Variants in MTUS1 observed in about 807,000 individuals in gnomAD.
MTUS1 encodes microtubule-associated tumor suppressor 1.
In MTUS1, 109 loss-of-function variants were observed where a neutral mutation model predicts 120.8. The observed-to-expected ratio is 0.90, with a 90% CI of 0.77 to 1.06. MTUS1 has a LOEUF of 1.06. MTUS1 is among the 50% of genes least tolerant of loss of function. The probability of loss-of-function intolerance (pLI) is 0.00; values close to 1 mark genes in which losing one functional copy is unlikely to be tolerated. For missense variants in MTUS1, 2,210 were observed against 1,486.3 expected (o/e 1.49, Z -8.01); for synonymous variants, 737 against 550.5 (o/e 1.34, Z -4.74).
intron 8 of MTUS1, among the ~76,000 whole-genome samples, chr8:17,660,243 C>T (rs1809380697): frequency 6.6e-6 from 1 of 152,068 alleles, no homozygotes; most frequent in South Asian, 2.1e-4. Flanking sequence ...CATGATGGCG[C>T]ACGTCTGTAG....
chr8:17,711,798 C>G (rs548794431), intron 6 of MTUS1, among the ~76,000 whole-genome samples: 6 of 152,296 alleles, frequency 3.9e-5, no homozygotes, highest in Non-Finnish European at 7.4e-5. Flanking sequence ...GAGAGACATG[C>G]AACTTTTCTT....
rs1285353938 is a variant in MTUS1 at position 17,653,168 on chromosome 8, G to A, written c.3384+18C>T. 4.3e-6 allele frequency: 6 copies of A among 1,403,250 alleles called. No individual in the cohort carries two copies. The African/African-American group carries it at 5.8e-5, about 14-fold the overall frequency. 86.9% of individuals were successfully genotyped at this position (1,403,250 alleles called of 1,614,324 possible). ...AGAAGAAAAATTCCATACTGATAAA[G>A]GAGCACACACAACTTACCAAATTTG... On this transcript the variant is annotated intron_variant, in intron 12 of 14. Transcript: ENST00000693296.
intron 6 of MTUS1, among the ~76,000 whole-genome samples, chr8:17,687,476 C>G (rs925211656): frequency 2.0e-5 from 3 of 152,186 alleles, no homozygotes; most frequent in Non-Finnish European, 4.4e-5. Context: ...AAACTTTGCC[C>G]TTACCCTTGC....
chr8:17,689,271 A>T (rs542494240), intron 6 of MTUS1, among the ~76,000 whole-genome samples: 6 of 152,158 alleles, frequency 3.9e-5, no homozygotes, highest in Non-Finnish European at 7.4e-5. Flanking sequence ...TTGTAGGGGG[A>T]GGGAGGAGGA....
intron 1 of MTUS1, among the ~76,000 whole-genome samples, chr8:17,775,663 T>C (rs945012684): frequency 3.9e-5 from 6 of 152,244 alleles, no homozygotes; most frequent in African/African-American, 1.4e-4. Flanking sequence ...AAAATTATCA[T>C]AGTAACCACA....
chr8:17,684,699 A>C (rs1008582883), intron 6 of MTUS1, among the ~76,000 whole-genome samples, 157 bp from the exon 7 acceptor site: 1 of 152,206 alleles, frequency 6.6e-6, no homozygotes, highest in Non-Finnish European at 1.5e-5. Context: ...TGAATCGGAG[A>C]TCTAGACGGT....
At chr8:17,794,435 A>T (rs1331911545) in intron 1 of MTUS1, among the ~76,000 whole-genome samples, 1 of 152,214 alleles carries the variant, frequency 6.6e-6, no homozygotes, top group East Asian at 1.9e-4. Flanking sequence ...GCCTAACTAT[A>T]CACTACGTAT....
intron 3 of MTUS1, among the ~76,000 whole-genome samples, chr8:17,732,430 C>A (rs1247059200): frequency 6.6e-6 from 1 of 152,178 alleles, no homozygotes; most frequent in African/African-American, 2.4e-5. Context: ...CCCCTACGTT[C>A]CTGGCTGTTC....
intron 6 of MTUS1, among the ~76,000 whole-genome samples, chr8:17,689,263 G>T (rs943673116): frequency 6.6e-6 from 1 of 152,114 alleles, no homozygotes; most frequent in African/African-American, 2.4e-5. Context: ...CCAATTATTT[G>T]TAGGGGGAGG....
intron 1 of MTUS1, among the ~76,000 whole-genome samples, chr8:17,796,365 A>T (rs1226761237): frequency 6.6e-6 from 1 of 152,288 alleles, no homozygotes; most frequent in African/African-American, 2.4e-5. Flanking sequence ...AACTTTAATG[A>T]ACAAAGTTAT....
chr8:17,676,291 T>G, intron 7 of MTUS1: 1 of 703,050 alleles, frequency 1.4e-6, no homozygotes, highest in Middle Eastern at 2.3e-4. Context: ...TTGCTGCACA[T>G]GGAGAATAGA....
At chr8:17,745,899 G>A (rs542531417) in intron 2 of MTUS1, among the ~76,000 whole-genome samples, 28 of 152,262 alleles carry the variant, frequency 1.8e-4, no homozygotes, top group African/African-American at 6.7e-4. Context: ...CCTGGTGGGA[G>A]GTAACTGGAT....
At chr8:17,731,028 T>C (rs538583348) in intron 3 of MTUS1, among the ~76,000 whole-genome samples, 19 of 152,142 alleles carry the variant, frequency 1.2e-4, no homozygotes, top group Admixed American at 3.3e-4. Context: ...GTGCAACTAG[T>C]TGGAGTAAGA....
At position 17,645,400 on chromosome 8, in the gene MTUS1, T is replaced by G. The variant is rs982108761; in HGVS notation, c.*526A>C. ...GGCTGAAATGTATATGCTGATTGAT[T>G]GATTATTATTTGATTAGTACATATC... On this transcript the variant is annotated 3_prime_UTR_variant, in exon 15 of 15. Coordinates refer to ENST00000693296, the MANE Select transcript of MTUS1 (RefSeq NM_001363059.2). 6.6e-5 allele frequency: 10 copies of G among 152,432 alleles called. No homozygotes were observed. The highest frequency in any genetic ancestry group is 9.7e-5 in the African/African-American group (4 of 41,312). 9.4% of individuals were successfully genotyped at this position (152,432 alleles called of 1,614,324 possible). A position where few individuals can be genotyped will look rare whatever the true frequency, so the allele number is the denominator to read the frequency against.
Position 17,653,220 on chromosome 8 carries a change from T to A in MTUS1, c.3350A>T (p.Glu1117Val). Residue 1117 changes from glutamate to valine, a missense_variant, in exon 12 of 15, where the codon GAA becomes GTA. Physicochemically the swap from Glu to Val is moderately radical, Grantham distance 121. Coordinates refer to ENST00000693296, the MANE Select transcript of MTUS1 (RefSeq NM_001363059.2). ...DALNEKLKSE[E>V]QKRRAREKAN... ...TTTTTCTCTTGCTCTTCTTTTTTGT[T>A]CTTCTGATTTCAATTTTTCATTTAA... is the stretch of plus-strand genomic sequence containing the variant. The A allele has an allele frequency of 6.4e-7, 1 of 1,555,982 alleles. No individual in the cohort carries two copies. Among genetic ancestry groups the A allele is most frequent in the Non-Finnish European group, 8.7e-7 (1 of 1,154,854 alleles).
At chr8:17,703,346 T>G (rs1001054079) in intron 6 of MTUS1, among the ~76,000 whole-genome samples, 2 of 152,004 alleles carry the variant, frequency 1.3e-5, no homozygotes, top group East Asian at 1.9e-4. Flanking sequence ...GCGGTGGAGA[T>G]AGCTTGGCCG....
intron 3 of MTUS1, among the ~76,000 whole-genome samples, chr8:17,737,526 T>A (rs978484412): frequency 2.6e-5 from 4 of 152,342 alleles, no homozygotes; most frequent in East Asian, 3.9e-4. Context: ...TCTTGCCCTG[T>A]CACCTAGCCT....
At chr8:17,728,131 G>C (rs575475373) in intron 3 of MTUS1, among the ~76,000 whole-genome samples, 2 of 152,316 alleles carry the variant, frequency 1.3e-5, no homozygotes, top group Middle Eastern at 3.4e-3. Flanking sequence ...AATGGCGCTT[G>C]CCAGGGGCTG....
chr8:17,670,487 G>C (rs546140221), intron 8 of MTUS1, among the ~76,000 whole-genome samples: 3 of 152,120 alleles, frequency 2.0e-5, no homozygotes, highest in African/African-American at 7.2e-5. Context: ...AACACTATGA[G>C]GCAATGTGGA....
Sources: gnomAD v4.1 joint callset for allele counts (sites outside exome capture counted in the v4.1 genomes callset) on GRCh38, gnomAD v4.1.1 for gene constraint, MANE v1.5 for transcripts, NCBI Gene and HGNC (gene_info 2026-07-23, HGNC 2026-07-21) for gene names.